The following CFAP97 variants were observed in gnomAD, a reference collection of about 807,000 sequenced individuals.
CFAP97 encodes the protein cilia and flagella associated protein 97, also known as cilia- and flagella-associated protein 97.
CFAP97 carries 36 observed loss-of-function variants against 43.1 expected under a neutral mutation model. The ratio of observed to expected loss-of-function variants is 0.84; its 90% CI spans 0.64 to 1.10. The LOEUF is 1.10. Among genes scored for constraint, CFAP97 ranks in the 50% least tolerant of loss-of-function variants. The pLI, the probability that CFAP97 is intolerant of heterozygous loss-of-function variation, is 0.00. For synonymous variants in CFAP97, 228 were observed against 225.7 expected (o/e 1.01, Z -0.09); for missense variants, 657 against 620.3 (o/e 1.06, Z -0.63).
upstream of CFAP97, chr4:185,209,892 C>T: frequency 1.0e-6 from 1 of 983,336 alleles, no homozygotes; most frequent in Admixed American, 6.2e-5. The surrounding 1 kb of genome is among the most constrained non-coding windows in gnomAD (Gnocchi z 5.2). Flanking sequence ...CAGGCGCCGG[C>T]GGCCGTCCTG....
Position 185,176,047 on chromosome 4 carries a change from A to T in CFAP97, c.1059T>A (p.Phe353Leu), listed in dbSNP as rs763355108. ...GTGGTCCTTTTTTATCTAATTGCAG[A>T]AAAGCTACAGAAAAGAACAAAAAAA... ...TMDLNHLLKAFLQLDKKGPQK... is the reference protein window; with the variant it reads ...TMDLNHLLKALLQLDKKGPQK... Residue 353 changes from phenylalanine (F) to leucine (L), a missense_variant, in exon 3 of 5, where the codon TTT becomes TTA. By Grantham distance (22) the Phe-to-Leu change is conservative. Transcript: ENST00000458385. The T allele has an allele frequency of 1.3e-6, 2 of 1,584,912 alleles. No homozygotes were observed. The highest frequency in any genetic ancestry group is 1.7e-6 in the Non-Finnish European group (2 of 1,169,754).
chr4:185,177,940 A>T (rs1018419089), intron 2 of CFAP97, among the ~76,000 whole-genome samples: 2 of 152,190 alleles, frequency 1.3e-5, no homozygotes, highest in Non-Finnish European at 2.9e-5. Context: ...CTACTTCCCT[A>T]CATTTAAACC....
intron 3 of CFAP97, among the ~76,000 whole-genome samples, chr4:185,166,271 ACCT>A (rs1735068369): frequency 6.6e-6 from 1 of 151,984 alleles, no homozygotes; most frequent in Non-Finnish European, 1.5e-5. Context: ...AGGTGTCCAA[ACCT>A]CCTGAAATCA....
At chr4:185,185,736 A>G (rs1262767489) in intron 2 of CFAP97, among the ~76,000 whole-genome samples, 1 of 148,166 alleles carries the variant, frequency 6.7e-6, no homozygotes, top group East Asian at 2.0e-4. Flanking sequence ...TCCCTGGCTC[A>G]AGAGATCCTC....
chr4:185,195,821 A>G (rs1736513406), intron 1 of CFAP97, among the ~76,000 whole-genome samples: 1 of 152,230 alleles, frequency 6.6e-6, no homozygotes, highest in South Asian at 2.1e-4. Flanking sequence ...GTCTTATAAC[A>G]CTGTCATTAA....
intron 1 of CFAP97, 127 bp downstream of exon 1, chr4:185,203,771 T>A (rs1484493265): frequency 6.6e-6 from 1 of 150,756 alleles, no homozygotes; most frequent in Non-Finnish European, 1.5e-5. Context: ...CCGCGCAGGC[T>A]TCGTTAAACC....
At position 185,164,011 on chromosome 4, in the gene CFAP97, A is replaced by C. The variant is rs758537225; in HGVS notation, c.1471+18T>G. The C allele has an allele frequency of 2.5e-6, 4 of 1,604,832 alleles. No individual in the cohort carries two copies. In the South Asian group the frequency reaches 4.5e-5, roughly 18 times the overall value. On this transcript the variant is annotated intron_variant, in intron 4 of 4. Coordinates refer to ENST00000458385, the MANE Select transcript of CFAP97 (RefSeq NM_020827.3). ...TACAAGATACAAATAAGTATAAAAT[A>C]ATTTCCAAAATGCTTACTTAATGGG...
At chr4:185,169,120 T>G (rs930630659) in intron 3 of CFAP97, 1 of 152,184 alleles carries the variant, frequency 6.6e-6, no homozygotes, top group East Asian at 1.9e-4. Context: ...GGTACAAAGT[T>G]CCAGTCATGC....
intron 1 of CFAP97, among the ~76,000 whole-genome samples, chr4:185,196,826 G>A (rs1196126946): frequency 6.6e-6 from 1 of 152,128 alleles, no homozygotes; most frequent in Non-Finnish European, 1.5e-5. Context: ...AAGGCCAAGC[G>A]CAGTGGGTTG....
chr4:185,185,605 T>A (rs1735975109), intron 2 of CFAP97, among the ~76,000 whole-genome samples: 1 of 151,544 alleles, frequency 6.6e-6, no homozygotes, highest in Admixed American at 6.6e-5. Flanking sequence ...CTATGATTTC[T>A]ATATAATGTA....
intron 2 of CFAP97, among the ~76,000 whole-genome samples, chr4:185,183,637 T>C (rs574509335): frequency 3.3e-5 from 5 of 152,366 alleles, no homozygotes; most frequent in Admixed American, 2.0e-4. Flanking sequence ...GCATGAATGA[T>C]AATTTTGAAA....
rs867951705 is a variant in CFAP97, at chr4:185,161,151, G to A, written c.*1647C>T. ...TAGCTCAAGCTTATATACACAGCAG[G>A]TATAGTAACTTGTTCACCAGAACAG... On this transcript the variant is annotated 3_prime_UTR_variant, in exon 5 of 5. Transcript: ENST00000458385. 2.6e-5 allele frequency: 4 copies of A among 152,138 alleles called. No individual in the cohort carries two copies. The Middle Eastern group carries it at 0.014, about 517-fold the overall frequency. 9.4% of individuals were successfully genotyped at this position (152,138 alleles called of 1,614,324 possible).
chr4:185,179,426 T>C (rs979630147), intron 2 of CFAP97, among the ~76,000 whole-genome samples: 11 of 152,284 alleles, frequency 7.2e-5, no homozygotes, highest in East Asian at 1.9e-4. Flanking sequence ...TTTCAACCAA[T>C]AGAGCATGAA....
rs551871498 is a variant in CFAP97 at position 185,184,598 on chromosome 4, G to C, written c.1054+5545C>G. 4.6e-5 allele frequency among the ~76,000 whole-genome samples: 7 copies of C among 152,272 alleles called. No homozygotes were observed. In the East Asian group the frequency reaches 1.4e-3, roughly 29 times the overall value. Reference sequence around the variant, plus strand: ...AACGAAGCCAACACCAGGGCTGGAGGAACACAGTGCTAGAAAGTAGGTCCC... The same window carrying C: ...AACGAAGCCAACACCAGGGCTGGAGCAACACAGTGCTAGAAAGTAGGTCCC... On this transcript the variant is annotated intron_variant, in intron 2 of 4. Coordinates refer to ENST00000458385, the MANE Select transcript of CFAP97 (RefSeq NM_020827.3).
intron 4 of CFAP97, among the ~76,000 whole-genome samples, chr4:185,163,142 C>CA (rs1005984184): frequency 2.0e-5 from 3 of 152,090 alleles, no homozygotes; most frequent in Non-Finnish European, 2.9e-5. Context: ...GCGTGGAAAA[C>CA]AAACATTTTT....
intron 3 of CFAP97, among the ~76,000 whole-genome samples, chr4:185,168,654 GGAGGCT>G (rs1735164536): frequency 6.6e-6 from 1 of 151,044 alleles, no homozygotes; most frequent in Non-Finnish European, 1.5e-5. Context: ...CAGCACTTTG[GGAGGCT>G]GAGGCGGGCA....
chr4:185,175,654 T>C (rs1399119366), intron 3 of CFAP97, 132 bp downstream of exon 3: 3 of 765,598 alleles, frequency 3.9e-6, no homozygotes, highest in East Asian at 2.5e-5. Flanking sequence ...ATATGTTTCA[T>C]ACCACACATA....
At chr4:185,169,606 T>C (rs1735212685) in intron 3 of CFAP97, 1 of 983,022 alleles carries the variant, frequency 1.0e-6, no homozygotes, top group African/African-American at 1.7e-5. Flanking sequence ...GGAATTATTC[T>C]CTTTGGAAAA....
intron 2 of CFAP97, among the ~76,000 whole-genome samples, chr4:185,180,053 A>T (rs1448423633): frequency 6.6e-6 from 1 of 151,772 alleles, no homozygotes. Flanking sequence ...TATTAATAGG[A>T]TTGATAAGTT....
Sources: allele counts gnomAD v4.1 joint callset (sites outside exome capture counted in the v4.1 genomes callset), GRCh38; gene constraint gnomAD v4.1.1; non-coding constraint Gnocchi (gnomAD v3.1); transcripts MANE v1.5; gene names NCBI Gene and HGNC (gene_info 2026-07-23, HGNC 2026-07-21).